TMEM47: variants seen among roughly 807,000 people sequenced by gnomAD.
TMEM47 encodes transmembrane protein 47.
TMEM47 carries 3 observed loss-of-function variants against 12.4 expected under a neutral mutation model. That is an observed-to-expected ratio of 0.24 (90% CI 0.11 to 0.63). The LOEUF is 0.63. Among genes scored for constraint, TMEM47 ranks in the 20% least tolerant of loss-of-function variants. The pLI is 0.86. For missense variants in TMEM47, 89 were observed against 143.8 expected (o/e 0.62, Z 1.95); for synonymous variants, 62 against 63.3 (o/e 0.98, Z 0.10).
At chrX:34,647,488 T>C (rs1422788374) in intron 1 of TMEM47, among the ~76,000 whole-genome samples, 3 of 111,689 alleles carry the variant, frequency 2.7e-5, no homozygotes, top group Non-Finnish European at 5.7e-5. Context: ...TAGATATTTT[T>C]TCTCACTTCT....
At chrX:34,654,176 G>C (rs780311979) in intron 1 of TMEM47, among the ~76,000 whole-genome samples, 10 of 112,124 alleles carry the variant, frequency 8.9e-5, no homozygotes, top group Non-Finnish European at 1.7e-4. Context: ...AATGGCTTAG[G>C]GGAAAGTTTC....
chrX:34,640,360 A>G, intron 1 of TMEM47, among the ~76,000 whole-genome samples: 1 of 112,176 alleles, frequency 8.9e-6, no homozygotes, highest in Admixed American at 9.4e-5. Flanking sequence ...CATAAACCTT[A>G]TTGAAATGCA....
intron 1 of TMEM47, among the ~76,000 whole-genome samples, chrX:34,653,316 T>C (rs1486313608): frequency 8.9e-6 from 1 of 111,843 alleles, no homozygotes; most frequent in African/African-American, 3.2e-5. Context: ...ATGTGAATGA[T>C]GTTAACAATA....
intron 1 of TMEM47, among the ~76,000 whole-genome samples, chrX:34,643,334 T>C (rs1276172202): frequency 9.0e-6 from 1 of 110,996 alleles, no homozygotes; most frequent in Non-Finnish European, 1.9e-5. Context: ...CAAGAACATA[T>C]ACATAAGACT....
chrX:34,650,333 A>G (rs1012603473), intron 1 of TMEM47, among the ~76,000 whole-genome samples: 1 of 111,872 alleles, frequency 8.9e-6, no homozygotes, highest in Non-Finnish European at 1.9e-5. Flanking sequence ...AATATTACAG[A>G]ACATTTTAAA....
Position 34,628,855 on chromosome X carries a change from G to A in TMEM47, c.*1458C>T, listed in dbSNP as rs1210165607. ...GTTTATAATTAAGCTATCCAAATTTGTATATTAAACAGAATTAACACAAGT... is the reference window on the plus strand; with the variant it reads ...GTTTATAATTAAGCTATCCAAATTTATATATTAAACAGAATTAACACAAGT... On this transcript the variant is annotated 3_prime_UTR_variant, in exon 3 of 3. Transcript: ENST00000275954. The A allele has an allele frequency of 9.0e-6, 1 of 111,725 alleles. No individual in the cohort carries two copies. The highest frequency in any genetic ancestry group is 3.3e-5 in the African/African-American group (1 of 30,677). 9.2% of individuals were successfully genotyped at this position (111,725 alleles called of 1,213,427 possible). A position where few individuals can be genotyped will look rare whatever the true frequency, so the allele number is the denominator to read the frequency against.
At chrX:34,653,319 T>C (rs1184934803) in intron 1 of TMEM47, among the ~76,000 whole-genome samples, 1 of 111,475 alleles carries the variant, frequency 9.0e-6, no homozygotes. Context: ...TGAATGATGT[T>C]AACAATATCC....
At chrX:34,656,484 C>T (rs1325004941) in intron 1 of TMEM47, among the ~76,000 whole-genome samples, 1 of 110,346 alleles carries the variant, frequency 9.1e-6, no homozygotes, top group Non-Finnish European at 1.9e-5. Flanking sequence ...CATTTTTTTA[C>T]ACAGCCACAT....
At chrX:34,637,358 T>A (rs967502893) in intron 2 of TMEM47, among the ~76,000 whole-genome samples, 1 of 110,982 alleles carries the variant, frequency 9.0e-6, no homozygotes, top group Non-Finnish European at 1.9e-5. Flanking sequence ...ATCTTTATAA[T>A]CTGTTTGGCT....
chrX:34,647,933 C>A (rs191313982), intron 1 of TMEM47, among the ~76,000 whole-genome samples: 1 of 111,601 alleles, frequency 9.0e-6, no homozygotes, highest in African/African-American at 3.2e-5. Flanking sequence ...ATCAGGAAGG[C>A]AATCCCATTT....
chrX:34,641,883 G>C (rs1388499120), intron 1 of TMEM47, among the ~76,000 whole-genome samples: 1 of 112,242 alleles, frequency 8.9e-6, no homozygotes. Context: ...TTGAGACAGA[G>C]TCTCACTCTG....
Position 34,657,189 on chromosome X carries a change from G to A in TMEM47, c.-160C>T. 2 of 857,693 alleles carry A rather than the reference G, an allele frequency of 2.3e-6. No homozygotes were observed. The highest frequency in any genetic ancestry group is 2.9e-6 in the Non-Finnish European group (2 of 681,304). 70.7% of individuals were successfully genotyped at this position (857,693 alleles called of 1,213,427 possible). Reference sequence around the variant, plus strand: ...GCGCCCCCTGCCGCGCGGCCAAGGTGGGTCTGCGGAGGCGGCCGGCCGGGT... The same window carrying A: ...GCGCCCCCTGCCGCGCGGCCAAGGTAGGTCTGCGGAGGCGGCCGGCCGGGT... On this transcript the variant is annotated 5_prime_UTR_variant, in exon 1 of 3. Coordinates refer to ENST00000275954, the MANE Select transcript of TMEM47 (RefSeq NM_031442.4).
Position 34,629,125 on chromosome X carries a change from C to A in TMEM47, c.*1188G>T, listed in dbSNP as rs1318971718. 9.0e-6 allele frequency: 1 copy of A among 111,586 alleles called. No homozygotes were observed. The highest frequency in any genetic ancestry group is 1.9e-5 in the Non-Finnish European group (1 of 53,022). 9.2% of individuals were successfully genotyped at this position (111,586 alleles called of 1,213,427 possible). A position where few individuals can be genotyped will look rare whatever the true frequency, so the allele number is the denominator to read the frequency against. On this transcript the variant is annotated 3_prime_UTR_variant, in exon 3 of 3. Coordinates refer to ENST00000275954, the MANE Select transcript of TMEM47 (RefSeq NM_031442.4). ...TAAAAAAATGAAGACATTTAAAATA[C>A]TTGCAAAAAATAGCAGCCTTCTATT...
In TMEM47 at chrX:34,640,686, C is replaced by T. The variant is rs146159381; in HGVS notation, c.227-1299G>A. On this transcript the variant is annotated intron_variant, in intron 1 of 2. Transcript: ENST00000275954. ...TTTGATGCTTCCCTCTGAAATTATC[C>T]CCCCAGAAAGCTTCCAAAATGCACT... Among the ~76,000 whole-genome samples the T allele has an allele frequency of 2.1e-3, 233 of 111,581 alleles. 2 individuals are homozygous for T. The highest frequency in any genetic ancestry group is 7.3e-3 in the African/African-American group (223 of 30,722).
At chrX:34,638,624 A>T (rs1008363777) in intron 2 of TMEM47, among the ~76,000 whole-genome samples, 2 of 112,228 alleles carry the variant, frequency 1.8e-5, no homozygotes, top group African/African-American at 6.5e-5. Context: ...TTTATAAATG[A>T]AAATTAAAGC....
intron 1 of TMEM47, among the ~76,000 whole-genome samples, chrX:34,649,977 G>A (rs917015674): frequency 6.3e-5 from 7 of 111,398 alleles, no homozygotes; most frequent in Non-Finnish European, 9.4e-5. Flanking sequence ...CACCCACCTC[G>A]GCCTCCTAAA....
chrX:34,653,277 GTTACAAATGCAGCTATTTTTAGGA>G (rs1922047951), intron 1 of TMEM47, among the ~76,000 whole-genome samples: 1 of 111,771 alleles, frequency 8.9e-6, no homozygotes, highest in Non-Finnish European at 1.9e-5. Flanking sequence ...AATGACTCAC[GTTACAAATGCAGCTATTTTTAGGA>G]TAGTATGTGA....
intron 1 of TMEM47, among the ~76,000 whole-genome samples, chrX:34,651,880 A>G (rs1922023445): frequency 8.9e-6 from 1 of 112,483 alleles, no homozygotes; most frequent in South Asian, 3.7e-4. Context: ...TTGACAAAGT[A>G]CTTCATTATG....
intron 2 of TMEM47, among the ~76,000 whole-genome samples, chrX:34,632,809 T>C (rs978828587): frequency 2.7e-5 from 3 of 111,983 alleles, no homozygotes; most frequent in African/African-American, 9.7e-5. Flanking sequence ...AAAATGTGCA[T>C]TAATTTTAAA....
Sources: allele counts gnomAD v4.1 joint callset (sites outside exome capture counted in the v4.1 genomes callset), GRCh38; gene constraint gnomAD v4.1.1; transcripts MANE v1.5; gene names NCBI Gene and HGNC (gene_info 2026-07-23, HGNC 2026-07-21).